RIMS2: variants seen among roughly 807,000 people sequenced by gnomAD.
RIMS2 encodes regulating synaptic membrane exocytosis 2, also known as regulating synaptic membrane exocytosis protein 2.
Under a neutral mutation model 174.4 loss-of-function variants are expected in RIMS2, and 59 were observed. That is an observed-to-expected ratio of 0.34 (90% confidence interval 0.27 to 0.42). The LOEUF is 0.42. Among genes scored for constraint, RIMS2 ranks in the 10% least tolerant of loss-of-function variants. RIMS2 has a pLI of 1.00. For missense variants in RIMS2, 1,620 were observed against 1,666.3 expected, an observed-to-expected ratio of 0.97 and a Z score of 0.48; for synonymous variants, 606 against 572.5, an observed-to-expected ratio of 1.06 and a Z score of -0.84.
chr8:104,025,232 G>A (rs2096224525), intron 19 of RIMS2, among the ~76,000 whole-genome samples: 1 of 152,150 alleles, frequency 6.6e-6, no homozygotes, highest in South Asian at 2.1e-4. Flanking sequence ...GTGGCTCACA[G>A]CTGTAATCCC....
chr8:103,554,264 TG>T (rs2131711199), intron 1 of RIMS2, among the ~76,000 whole-genome samples: 1 of 152,154 alleles, frequency 6.6e-6, no homozygotes, highest in South Asian at 2.1e-4. Flanking sequence ...ACCTACAGAA[TG>T]GGAGAAAATA....
chr8:103,717,138 CTTTT>C (rs11373218), intron 2 of RIMS2, among the ~76,000 whole-genome samples: 3 of 113,084 alleles, frequency 2.7e-5, no homozygotes, highest in East Asian at 2.6e-4. Context: ...ATAGTGCCTT[CTTTT>C]TTTTTTTTTT....
chr8:104,024,834 G>C (rs1323373335), intron 19 of RIMS2, among the ~76,000 whole-genome samples: 1 of 152,082 alleles, frequency 6.6e-6, no homozygotes, highest in Non-Finnish European at 1.5e-5. Flanking sequence ...AGAGGTTCTG[G>C]GTAGGTTTTC....
intron 17 of RIMS2, among the ~76,000 whole-genome samples, chr8:103,994,846 G>C (rs184799707): frequency 6.6e-6 from 1 of 152,126 alleles, no homozygotes; most frequent in African/African-American, 2.4e-5. Flanking sequence ...TTGCTTAATG[G>C]CTGCTTTGGC....
At chr8:103,702,852 G>GTTT (rs59947900) in intron 2 of RIMS2, among the ~76,000 whole-genome samples, 17 of 117,236 alleles carry the variant, frequency 1.5e-4, no homozygotes, top group African/African-American at 2.6e-4. Context: ...TCCTCCAGCT[G>GTTT]TTTTTTTTTT....
At chr8:103,943,120 A>G (rs1023534915) in intron 14 of RIMS2, among the ~76,000 whole-genome samples, 194 bp downstream of exon 16, 2 of 152,226 alleles carry the variant, frequency 1.3e-5, no homozygotes, top group African/African-American at 2.4e-5. Context: ...GGTTGTACCC[A>G]TAGCATTCAC....
At chr8:103,956,952 G>A (rs2087503761) in intron 14 of RIMS2, among the ~76,000 whole-genome samples, 1 of 152,060 alleles carries the variant, frequency 6.6e-6, no homozygotes, top group Non-Finnish European at 1.5e-5. Flanking sequence ...GATATAAACA[G>A]ACACTTATCA....
intron 1 of RIMS2, among the ~76,000 whole-genome samples, chr8:103,591,869 A>T (rs2133336191): frequency 6.6e-6 from 1 of 151,180 alleles, no homozygotes; most frequent in East Asian, 1.9e-4. Flanking sequence ...GAGTTGGATT[A>T]ATATTCTGTG....
At chr8:103,737,949 T>A (rs1055928056) in intron 2 of RIMS2, among the ~76,000 whole-genome samples, 2 of 152,200 alleles carry the variant, frequency 1.3e-5, no homozygotes, top group Non-Finnish European at 2.9e-5. Context: ...ATGATTATTT[T>A]GTTTATATGT....
At chr8:103,658,143 T>C (rs1425288637) in intron 1 of RIMS2, among the ~76,000 whole-genome samples, 1 of 152,120 alleles carries the variant, frequency 6.6e-6, no homozygotes, top group Non-Finnish European at 1.5e-5. Flanking sequence ...TGGAAGGAAA[T>C]TTGCTATTTG....
intron 13 of RIMS2, among the ~76,000 whole-genome samples, chr8:103,941,391 G>A (rs1378194197): frequency 6.6e-6 from 1 of 152,132 alleles, no homozygotes; most frequent in Admixed American, 6.6e-5. Context: ...GGAGGCTGAG[G>A]TGGGAGAATT....
In RIMS2 at chr8:104,079,475, G is replaced by A. The variant is rs561551638; in HGVS notation, c.3334+64860G>A. On this transcript the variant is annotated intron_variant, in intron 19 of 23. Coordinates refer to ENST00000504942, the Ensembl canonical transcript of RIMS2. The stretch of plus-strand genomic sequence containing the variant: ...AGGGAATGAATTATAGTAGACTACA[G>A]AAGGGAAAGGTCTCGCTTTATAAAA... Among the ~76,000 whole-genome samples, 10 of 151,480 alleles carry A rather than the reference G, an allele frequency of 6.6e-5. No individual in the cohort carries two copies. The East Asian group carries it at 1.9e-3, about 29-fold the overall frequency.
At chr8:103,591,023 T>C (rs1000825766) in intron 1 of RIMS2, among the ~76,000 whole-genome samples, 11 of 150,838 alleles carry the variant, frequency 7.3e-5, no homozygotes, top group Non-Finnish European at 1.2e-4. Flanking sequence ...TTTTATACCT[T>C]TTGGGAGTAT....
intron 1 of RIMS2, among the ~76,000 whole-genome samples, chr8:103,649,545 G>A (rs374877518): frequency 1.3e-5 from 2 of 151,826 alleles, no homozygotes; most frequent in Non-Finnish European, 2.9e-5. Flanking sequence ...TTTGCAACTT[G>A]GTTCCATTCT....
chr8:104,151,795 G>T (rs1391024536), intron 19 of RIMS2, among the ~76,000 whole-genome samples: 1 of 152,110 alleles, frequency 6.6e-6, no homozygotes, highest in Non-Finnish European at 1.5e-5. Flanking sequence ...GGCTGAAATT[G>T]CCCAAGAAGA....
Position 104,051,256 on chromosome 8 carries a change from A to G in RIMS2, c.3334+36641A>G, listed in dbSNP as rs75371011. On this transcript the variant is annotated intron_variant, in intron 19 of 23. Coordinates refer to ENST00000504942, the Ensembl canonical transcript of RIMS2. ...CCTGTCTCAAAACAAGTGTGTGTGT[A>G]TATATATATATATGTATGTGTGTGT... 1.3e-4 allele frequency among the ~76,000 whole-genome samples: 19 copies of G among 150,152 alleles called. No individual in the cohort carries two copies. The East Asian group carries it at 2.9e-3, about 23-fold the overall frequency.
intron 2 of RIMS2, among the ~76,000 whole-genome samples, chr8:103,734,976 G>A (rs1023663819): frequency 2.6e-5 from 4 of 152,260 alleles, no homozygotes; most frequent in Admixed American, 6.5e-5. Context: ...CATTTGGTAA[G>A]GGATCATGGA....
intron 1 of RIMS2, among the ~76,000 whole-genome samples, chr8:103,686,803 C>T (rs1461183605): frequency 6.6e-6 from 1 of 151,914 alleles, no homozygotes; most frequent in Non-Finnish European, 1.5e-5. Flanking sequence ...TGCTTTGTTG[C>T]CCAGGCTGGA....
At chr8:103,601,059 G>C (rs905810783) in intron 1 of RIMS2, among the ~76,000 whole-genome samples, 1 of 152,070 alleles carries the variant, frequency 6.6e-6, no homozygotes, top group Non-Finnish European at 1.5e-5. Context: ...TGGATTATTA[G>C]ATTCTTTTCC....
Sources: gnomAD v4.1 joint callset for allele counts (sites outside exome capture counted in the v4.1 genomes callset) on GRCh38, gnomAD v4.1.1 for gene constraint, MANE v1.5 for transcripts, NCBI Gene and HGNC (gene_info 2026-07-23, HGNC 2026-07-21) for gene names.